The following IGF1R variants were observed in gnomAD, a reference collection of about 807,000 sequenced individuals.
IGF1R encodes the protein insulin like growth factor 1 receptor, also known as insulin-like growth factor 1 receptor.
IGF1R carries 44 observed loss-of-function variants against 144.6 expected under a neutral mutation model. The ratio of observed to expected loss-of-function variants is 0.30; its 90% confidence interval spans 0.24 to 0.39. IGF1R has a LOEUF of 0.39. IGF1R is among the 10% of genes least tolerant of loss of function. The pLI is 1.00. For synonymous variants in IGF1R, 795 were observed against 722.8 expected (o/e 1.10, Z -1.60); for missense variants, 1,355 against 1,833.7 (o/e 0.74, Z 4.77).
At chr15:98,734,221 C>G (rs546717283) in intron 2 of IGF1R, among the ~76,000 whole-genome samples, 33 of 152,164 alleles carry the variant, frequency 2.2e-4, no homozygotes, top group Non-Finnish European at 4.3e-4. Flanking sequence ...GGGCATAATA[C>G]CAGGTATTCT....
intron 2 of IGF1R, among the ~76,000 whole-genome samples, chr15:98,845,581 C>G (rs2011296694): frequency 6.9e-6 from 1 of 144,302 alleles, no homozygotes; most frequent in Non-Finnish European, 1.5e-5. Context: ...TCTCTTCTCT[C>G]TCTTCTTTCT....
Position 98,957,456 on chromosome 15 carries a change from A to C in IGF1R, c.*14A>C, listed in dbSNP as rs984958335. ...TCGACCTGCTGATCCTTGGATCCTG[A>C]ATCTGTGCAAACAGTAACGTGTGCG... On this transcript the variant is annotated 3_prime_UTR_variant, in exon 21 of 21. Transcript: ENST00000650285. The C allele has an allele frequency of 6.2e-7, 1 of 1,612,690 alleles. No homozygotes were observed. Among genetic ancestry groups the C allele is most frequent in the Admixed American group, 1.7e-5 (1 of 60,024 alleles).
chr15:98,916,845 A>G lies in IGF1R; in HGVS notation c.2170A>G (p.Asn724Asp). 3.1e-6 allele frequency: 5 copies of G among 1,614,108 alleles called. No individual in the cohort carries two copies. Among genetic ancestry groups the G allele is most frequent in the Non-Finnish European group, 4.2e-6 (5 of 1,180,010 alleles). Residue 724 changes from asparagine to aspartate, a missense_variant, in exon 10 of 21, where the codon AAT (asparagine) becomes GAT (aspartate). Coordinates refer to ENST00000650285, the MANE Select transcript of IGF1R (RefSeq NM_000875.5). ...GGCTGAATACCGCAAAGTCTTTGAG[A>G]ATTTCCTGCACAACTCCATCTTCGT... Reference protein sequence around the residue: ...EEAEYRKVFENFLHNSIFVPR... With the variant: ...EEAEYRKVFEDFLHNSIFVPR...
chr15:98,816,076 C>T lies in IGF1R; in HGVS notation c.641-75249C>T, dbSNP rs565294361. Among the ~76,000 whole-genome samples, 5 of 152,262 alleles carry T rather than the reference C, an allele frequency of 3.3e-5. No homozygotes were observed. The East Asian group carries it at 9.7e-4, about 29-fold the overall frequency. ...CATTTTGTGATCTGCCCTTTCAGGC[C>T]ACCCCAGCCACCCTACTTTCCCAGT... On this transcript the variant is annotated intron_variant, in intron 2 of 20. Transcript: ENST00000650285.
rs561767660 is a variant in IGF1R at position 98,964,020 on chromosome 15, A to G, written c.*6578A>G. On this transcript the variant is annotated 3_prime_UTR_variant, in exon 21 of 21. Transcript: ENST00000650285. Reference sequence around the variant, plus strand: ...TGTTTGGCGTTGCACACACACATCCACCGGTGGAAGAGACGCCCGGTGAAA... The same window carrying G: ...TGTTTGGCGTTGCACACACACATCCGCCGGTGGAAGAGACGCCCGGTGAAA... The G allele has an allele frequency of 5.1e-4, 118 of 233,224 alleles. No homozygotes were observed. The highest frequency in any genetic ancestry group is 8.3e-4 in the Non-Finnish European group (98 of 117,794). The allele number at this position is 233,224 out of a possible 1,614,324, so 14.4% of individuals were successfully genotyped here. A position where few individuals can be genotyped will look rare whatever the true frequency, so the allele number is the denominator to read the frequency against.
chr15:98,850,919 T>C (rs1289158677), intron 2 of IGF1R, among the ~76,000 whole-genome samples: 1 of 152,012 alleles, frequency 6.6e-6, no homozygotes, highest in Non-Finnish European at 1.5e-5. Flanking sequence ...AGACACAAAT[T>C]AGAATATAAC....
intron 2 of IGF1R, among the ~76,000 whole-genome samples, chr15:98,855,178 A>C (rs1006931968): frequency 2.0e-5 from 3 of 151,620 alleles, no homozygotes; most frequent in Admixed American, 1.3e-4. Context: ...TGGGGTGGGG[A>C]GCTTTCTCTG....
intron 2 of IGF1R, among the ~76,000 whole-genome samples, chr15:98,790,928 G>C (rs923426676): frequency 6.6e-6 from 1 of 152,156 alleles, no homozygotes; most frequent in Non-Finnish European, 1.5e-5. Flanking sequence ...TAATCAAAAA[G>C]ATCACTTTCT....
chr15:98,891,579 C>T lies in IGF1R; in HGVS notation c.895C>T (p.His299Tyr), dbSNP rs886051559. The change falls in exon 3 of 21, where the codon CAC becomes TAC. Residue 299 changes from histidine (H) to tyrosine (Y), a missense_variant. His to Tyr is a moderately conservative substitution (Grantham distance 83, BLOSUM62 2). This residue lies in a region of IGF1R where 880 missense variants were observed against 1,202.7 expected (regional missense o/e 0.73). Coordinates refer to ENST00000650285, the MANE Select transcript of IGF1R (RefSeq NM_000875.5). The surrounding 1 kb of genome is among the most constrained non-coding windows in gnomAD (Gnocchi z 4.7). ...ESSDSEGFVI[H>Y]DGECMQECPS... ...CAGCGACTCCGAGGGGTTTGTGATC[C>T]ACGACGGCGAGTGCATGCAGGAGTG... 6 of 1,606,116 alleles carry T rather than the reference C, an allele frequency of 3.7e-6. No homozygotes were observed. Among genetic ancestry groups the T allele is most frequent in the Non-Finnish European group, 5.1e-6 (6 of 1,179,980 alleles).
At chr15:98,861,384 G>A (rs1182304479) in intron 2 of IGF1R, among the ~76,000 whole-genome samples, 2 of 152,082 alleles carry the variant, frequency 1.3e-5, no homozygotes, top group Non-Finnish European at 2.9e-5. Flanking sequence ...TCACCATGCT[G>A]ACCCGCGTAG....
At chr15:98,860,204 T>A (rs1315693459) in intron 2 of IGF1R, among the ~76,000 whole-genome samples, 1 of 152,274 alleles carries the variant, frequency 6.6e-6, no homozygotes, top group African/African-American at 2.4e-5. Context: ...GCACACCGTT[T>A]CTTAACATTT....
intron 1 of IGF1R, among the ~76,000 whole-genome samples, chr15:98,684,930 CTTTTTTTTTTTTT>C (rs5814891): frequency 4.4e-5 from 5 of 113,440 alleles, no homozygotes; most frequent in Non-Finnish European, 5.4e-5. Flanking sequence ...CTTCCTTTTC[CTTTTTTTTTTTTT>C]TTTTTTTTTA....
At chr15:98,676,029 C>T (rs1469003475) in intron 1 of IGF1R, among the ~76,000 whole-genome samples, 5 of 151,680 alleles carry the variant, frequency 3.3e-5, no homozygotes. Context: ...GGGGTTTCCA[C>T]ATGTTGGCCT....
At chr15:98,672,199 A>G (rs1487798468) in intron 1 of IGF1R, among the ~76,000 whole-genome samples, 2 of 152,246 alleles carry the variant, frequency 1.3e-5, no homozygotes, top group Non-Finnish European at 2.9e-5. Flanking sequence ...ACAAAGGAGA[A>G]GGATCCAAAG....
intron 1 of IGF1R, among the ~76,000 whole-genome samples, chr15:98,691,988 G>A (rs2053488048): frequency 6.6e-6 from 1 of 152,070 alleles, no homozygotes; most frequent in Non-Finnish European, 1.5e-5. Context: ...ACTCAAGCTT[G>A]GTGTTATTAG....
intron 2 of IGF1R, among the ~76,000 whole-genome samples, chr15:98,778,292 T>G (rs1409196205): frequency 6.6e-6 from 1 of 152,228 alleles, no homozygotes; most frequent in East Asian, 1.9e-4. Context: ...TCTATCTGTC[T>G]TTGTGGGCAT....
intron 1 of IGF1R, among the ~76,000 whole-genome samples, chr15:98,675,557 G>A (rs1347587486): frequency 6.6e-6 from 1 of 152,148 alleles, no homozygotes; most frequent in African/African-American, 2.4e-5. Flanking sequence ...CATTTAAAAA[G>A]TTGTATCATT....
intron 2 of IGF1R, among the ~76,000 whole-genome samples, chr15:98,770,697 T>C (rs936354163): frequency 6.6e-6 from 1 of 152,158 alleles, no homozygotes. Context: ...GTGGGGAATC[T>C]GTGTAAGTTG....
In IGF1R at chr15:98,961,818, T is replaced by C. The variant is rs938690146; in HGVS notation, c.*4376T>C. The C allele has an allele frequency of 4.7e-5, 11 of 233,242 alleles. No individual in the cohort carries two copies. Among genetic ancestry groups the C allele is most frequent in the African/African-American group, 4.4e-5 (2 of 45,360 alleles). 14.4% of individuals were successfully genotyped at this position (233,242 alleles called of 1,614,324 possible). A position where few individuals can be genotyped will look rare whatever the true frequency, so the allele number is the denominator to read the frequency against. Reference sequence around the variant, plus strand: ...ATACCTTTGGAACGAGCCTCCTCCTTGGAAGATGGAAGACCGTGTTCGTGG... The same window carrying C: ...ATACCTTTGGAACGAGCCTCCTCCTCGGAAGATGGAAGACCGTGTTCGTGG... On this transcript the variant is annotated 3_prime_UTR_variant, in exon 21 of 21. Transcript: ENST00000650285.
Sources: gnomAD v4.1 joint callset for allele counts (sites outside exome capture counted in the v4.1 genomes callset) on GRCh38, gnomAD v4.1.1 for gene constraint, gnomAD v4.1.1 regional missense constraint, Gnocchi (gnomAD v3.1) non-coding constraint, MANE v1.5 for transcripts, NCBI Gene and HGNC (gene_info 2026-07-23, HGNC 2026-07-21) for gene names.